ACP3: variants seen among roughly 807,000 people sequenced by gnomAD.
ACP3 encodes the protein acid phosphatase 3, also known as prostatic acid phosphatase.
ACP3 carries 38 observed loss-of-function variants against 45.6 expected under a neutral mutation model. The ratio of observed to expected loss-of-function variants is 0.83; its 90% confidence interval spans 0.64 to 1.09. The LOEUF is 1.09. ACP3 is among the 50% of genes least tolerant of loss of function. The pLI is 0.00. For missense variants in ACP3, 466 were observed against 463.2 expected, an observed-to-expected ratio of 1.01 and a Z score of -0.05; for synonymous variants, 162 against 164.7, an observed-to-expected ratio of 0.98 and a Z score of 0.13.
chr3:132,331,498 C>A, intron 2 of ACP3, 149 bp from the exon 3 acceptor site: 1 of 608,978 alleles, frequency 1.6e-6, no homozygotes, highest in Non-Finnish European at 2.8e-6. Context: ...TTTGTTTTCA[C>A]TTAAATATGT....
chr3:132,354,668 T>C (rs1937837281), intron 9 of ACP3, among the ~76,000 whole-genome samples: 1 of 152,124 alleles, frequency 6.6e-6, no homozygotes, highest in African/African-American at 2.4e-5. Flanking sequence ...AAAGAGAGAG[T>C]ATTTTAGATT....
At chr3:132,328,172 A>T in intron 1 of ACP3, 95 bp from the exon 2 acceptor site, 1 of 919,300 alleles carries the variant, frequency 1.1e-6, no homozygotes, top group East Asian at 2.7e-5. Context: ...CCAAAGTTAA[A>T]ACCAATGAGT....
intron 7 of ACP3, among the ~76,000 whole-genome samples, chr3:132,348,722 T>C (rs553008438): frequency 6.6e-6 from 1 of 152,270 alleles, no homozygotes; most frequent in Admixed American, 6.5e-5. Context: ...CTGTTAGACA[T>C]GTACATTCAG....
At chr3:132,345,549 G>A (rs185735613) in intron 7 of ACP3, among the ~76,000 whole-genome samples, 12 of 152,294 alleles carry the variant, frequency 7.9e-5, no homozygotes, top group Non-Finnish European at 1.5e-4. Context: ...TGTGAAAGCC[G>A]ATAAAATATA....
downstream of ACP3, among the ~76,000 whole-genome samples, chr3:132,359,462 C>A (rs1403985049): frequency 6.6e-6 from 1 of 152,032 alleles, no homozygotes; most frequent in African/African-American, 2.4e-5. Flanking sequence ...GAGCCGAGAT[C>A]GCGCCACTGC....
At position 132,349,612 on chromosome 3, in the gene ACP3, C is replaced by T. The variant is rs577056456; in HGVS notation, c.782-308C>T. The stretch of plus-strand genomic sequence containing the variant: ...CTCCTAACCTGAGCTTTAACAAAAC[C>T]CGGTATGGTAGAGTCCTAGTGTGCC... On this transcript the variant is annotated intron_variant, in intron 7 of 9. Coordinates refer to ENST00000336375, the MANE Select transcript of ACP3 (RefSeq NM_001099.5). Among the ~76,000 whole-genome samples, 246 of 152,294 alleles carry T rather than the reference C, an allele frequency of 1.6e-3. 1 individual carries two copies. Among genetic ancestry groups the T allele is most frequent in the African/African-American group, 5.6e-3 (232 of 41,552 alleles).
At chr3:132,330,127 C>T (rs529635985) in intron 2 of ACP3, among the ~76,000 whole-genome samples, 1 of 151,994 alleles carries the variant, frequency 6.6e-6, no homozygotes, top group East Asian at 1.9e-4. Context: ...GCCATGTTGC[C>T]AAGGCTGGTC....
At chr3:132,345,102 G>A in intron 7 of ACP3, 43 bp downstream of exon 7, 1 of 1,562,214 alleles carries the variant, frequency 6.4e-7, no homozygotes, top group South Asian at 1.1e-5. Context: ...ATTTGTGGTT[G>A]AATGATCCAG....
chr3:132,322,360 G>A (rs1937222469), intron 1 of ACP3, among the ~76,000 whole-genome samples: 1 of 152,092 alleles, frequency 6.6e-6, no homozygotes, highest in Non-Finnish European at 1.5e-5. Flanking sequence ...TCTAACCTCT[G>A]AAATGACACT....
rs545890103 is a variant in ACP3, at chr3:132,368,080, T to G, written c.*258T>G. 137 of 362,280 alleles carry G rather than the reference T, an allele frequency of 3.8e-4. 4 individuals are homozygous for G. In the South Asian group the frequency reaches 5.3e-3, roughly 14 times the overall value. 22.4% of individuals were successfully genotyped at this position (362,280 alleles called of 1,614,324 possible). ...TAGAAAGAGGCTGTTATGCATAGGA[T>G]GGTTGTATTCTCTGCCACAGTTGTC... On this transcript the variant is annotated 3_prime_UTR_variant, in exon 11 of 11. Coordinates refer to the ACP3 transcript ENST00000351273.
rs748208427 is a variant in ACP3 at position 132,331,738 on chromosome 3, G to C, written c.303+5G>C. The C allele has an allele frequency of 1.9e-6, 3 of 1,595,092 alleles. No homozygotes were observed. In the South Asian group the frequency reaches 3.5e-5, roughly 18 times the overall value. Reference sequence around the variant, plus strand: ...GAGTCCTATAAACATGAACAGGCAAGTTGGGGAGCCAAGAGTGGGAACTTT... The same window carrying C: ...GAGTCCTATAAACATGAACAGGCAACTTGGGGAGCCAAGAGTGGGAACTTT... On this transcript the variant is annotated splice_donor_5th_base_variant and intron_variant, in intron 3 of 9. Transcript: ENST00000336375.
chr3:132,320,302 C>A (rs1459766716), intron 1 of ACP3, among the ~76,000 whole-genome samples: 1 of 152,088 alleles, frequency 6.6e-6, no homozygotes, highest in Non-Finnish European at 1.5e-5. Context: ...TGGAAAGAAT[C>A]GTAAATATGG....
intron 7 of ACP3, among the ~76,000 whole-genome samples, chr3:132,346,838 G>T (rs531286835): frequency 3.9e-5 from 6 of 152,292 alleles, no homozygotes; most frequent in African/African-American, 1.4e-4. Context: ...TTCAGCATCG[G>T]CATCAACTAC....
rs557387839 is a variant in ACP3 at position 132,356,047 on chromosome 3, C to A, written c.969-639C>A. On this transcript the variant is annotated intron_variant, in intron 9 of 9. Transcript: ENST00000336375. ...GTTAGTTTACACCATTGGACCTTCC[C>A]AAATAGTACATTGTTTTTTTGAGAT... 9.2e-5 allele frequency among the ~76,000 whole-genome samples: 14 copies of A among 152,256 alleles called. No individual in the cohort carries two copies. In the South Asian group the frequency reaches 1.9e-3, roughly 20 times the overall value.
intron 5 of ACP3, among the ~76,000 whole-genome samples, chr3:132,339,421 C>T (rs571875561): frequency 6.6e-6 from 1 of 152,332 alleles, no homozygotes; most frequent in African/African-American, 2.4e-5. Flanking sequence ...TTGGAGATAG[C>T]ATCAGATCCT....
chr3:132,365,264 A>G (rs549942580), intron 10 of ACP3, among the ~76,000 whole-genome samples: 1 of 152,340 alleles, frequency 6.6e-6, no homozygotes, highest in East Asian at 1.9e-4. Context: ...AATAAGCATA[A>G]TAAGTGTTTT....
At chr3:132,344,775 C>G (rs750014567) in intron 6 of ACP3, 152 bp from the exon 7 acceptor site, 33 of 803,032 alleles carry the variant, frequency 4.1e-5, no homozygotes, top group Non-Finnish European at 6.1e-5. Context: ...GTCAATACCA[C>G]TACTTATCAC....
chr3:132,319,826 C>A (rs1366859187), intron 1 of ACP3, among the ~76,000 whole-genome samples: 1 of 152,118 alleles, frequency 6.6e-6, no homozygotes, highest in African/African-American at 2.4e-5. Flanking sequence ...AGTCTGAGAT[C>A]CCCCTGTAAG....
intron 2 of ACP3, among the ~76,000 whole-genome samples, chr3:132,330,431 T>C (rs2107798082): frequency 6.6e-6 from 1 of 152,282 alleles, no homozygotes. Flanking sequence ...CTTCACGCAA[T>C]ACCCAGTGAA....
Sources: gnomAD v4.1 joint callset for allele counts (sites outside exome capture counted in the v4.1 genomes callset) on GRCh38, gnomAD v4.1.1 for gene constraint, MANE v1.5 for transcripts, NCBI Gene and HGNC (gene_info 2026-07-23, HGNC 2026-07-21) for gene names.